Variants in CDC42BPA observed in about 807,000 individuals in gnomAD.
CDC42BPA encodes the protein serine/threonine-protein kinase MRCK alpha.
In CDC42BPA, 80 loss-of-function variants were observed where a neutral mutation model predicts 223.5. That is an observed-to-expected ratio of 0.36 (90% CI 0.30 to 0.43). The LOEUF (loss-of-function observed/expected upper bound fraction) is 0.43, where lower values mean the gene tolerates loss of function less well. Among genes scored for constraint, CDC42BPA ranks in the 20% least tolerant of loss-of-function variants. The probability of loss-of-function intolerance (pLI) is 1.00; values close to 1 mark genes in which losing one functional copy is unlikely to be tolerated. For missense variants in CDC42BPA, 1,743 were observed against 2,099.9 expected, an observed-to-expected ratio of 0.83 and a Z score of 3.32; for synonymous variants, 694 against 718.6, an observed-to-expected ratio of 0.97 and a Z score of 0.55.
At chr1:227,207,556 C>G (rs2150313513) in intron 3 of CDC42BPA, among the ~76,000 whole-genome samples, 1 of 140,710 alleles carries the variant, frequency 7.1e-6, no homozygotes. Context: ...TGATATTCCC[C>G]TTCCTGTGTC....
chr1:227,141,469 T>C (rs1659649398), intron 9 of CDC42BPA, among the ~76,000 whole-genome samples: 2 of 152,174 alleles, frequency 1.3e-5, no homozygotes, highest in African/African-American at 4.8e-5. Context: ...TGGAAGATAC[T>C]GGCCTTACTA....
chr1:227,094,426 T>C (rs926832057), intron 15 of CDC42BPA, among the ~76,000 whole-genome samples: 2 of 152,220 alleles, frequency 1.3e-5, no homozygotes, highest in Non-Finnish European at 2.9e-5. Flanking sequence ...TCAATGTTAT[T>C]TTGTAAACCA....
intron 2 of CDC42BPA, among the ~76,000 whole-genome samples, chr1:227,247,138 T>C (rs113211748): frequency 0.094 from 14,241 of 151,990 alleles, 844 homozygotes; most frequent in Middle Eastern, 0.17. Flanking sequence ...AGGCAGAGGT[T>C]GCAGTGAGCC....
At chr1:227,082,497 G>A (rs922936281) in intron 16 of CDC42BPA, among the ~76,000 whole-genome samples, 4 of 151,812 alleles carry the variant, frequency 2.6e-5, no homozygotes, top group Non-Finnish European at 4.4e-5. Context: ...GGTGGATCAC[G>A]AGGTCAGGAG....
intron 15 of CDC42BPA, among the ~76,000 whole-genome samples, chr1:227,096,502 A>C (rs1052432645): frequency 6.6e-6 from 1 of 152,148 alleles, no homozygotes; most frequent in Non-Finnish European, 1.5e-5. Flanking sequence ...CACCACACCA[A>C]AATCTGGCTT....
intron 21 of CDC42BPA, among the ~76,000 whole-genome samples, chr1:227,053,014 A>C (rs1256577422): frequency 6.6e-6 from 1 of 152,202 alleles, no homozygotes; most frequent in African/African-American, 2.4e-5. Context: ...TTGAGAGTAG[A>C]AACACTTGGA....
chr1:227,143,489 C>G (rs1660082403), intron 8 of CDC42BPA, among the ~76,000 whole-genome samples: 1 of 152,166 alleles, frequency 6.6e-6, no homozygotes, highest in Non-Finnish European at 1.5e-5. Flanking sequence ...TCTACAGGGT[C>G]TCTTTGGTGT....
chr1:227,023,200 G>T, intron 32 of CDC42BPA, 63 bp downstream of exon 32: 1 of 781,806 alleles, frequency 1.3e-6, no homozygotes, highest in Non-Finnish European at 2.1e-6. Context: ...GTGACCTTGG[G>T]CAGTTAGCTT....
intron 12 of CDC42BPA, among the ~76,000 whole-genome samples, chr1:227,118,151 A>G (rs1337931307): frequency 2.0e-5 from 3 of 152,132 alleles, no homozygotes; most frequent in Non-Finnish European, 4.4e-5. Context: ...ACTCTACACT[A>G]CTCGTGGAAA....
intron 5 of CDC42BPA, among the ~76,000 whole-genome samples, chr1:227,192,836 T>C (rs922808014): frequency 6.6e-6 from 1 of 152,104 alleles, no homozygotes; most frequent in Non-Finnish European, 1.5e-5. Flanking sequence ...ACACATACAA[T>C]CCTTGAAAGT....
chr1:227,275,851 G>A (rs539797450), intron 1 of CDC42BPA, among the ~76,000 whole-genome samples: 8 of 152,314 alleles, frequency 5.3e-5, no homozygotes, highest in East Asian at 3.9e-4. Flanking sequence ...TGATCTGCCC[G>A]CCTGGGCCTC....
At chr1:227,106,258 A>G (rs1685904374) in intron 14 of CDC42BPA, among the ~76,000 whole-genome samples, 1 of 152,124 alleles carries the variant, frequency 6.6e-6, no homozygotes. Context: ...AGAAATGTCT[A>G]TTCAAGTCTT....
chr1:227,276,097 C>T (rs1343451065), intron 1 of CDC42BPA, among the ~76,000 whole-genome samples: 7 of 151,602 alleles, frequency 4.6e-5, no homozygotes, highest in African/African-American at 1.2e-4. Flanking sequence ...TCTGCCCGGC[C>T]GCCCAGTCTG....
At chr1:227,222,052 CAAAAAAAAAAA>C (rs60588018) in intron 2 of CDC42BPA, among the ~76,000 whole-genome samples, 6,252 of 86,572 alleles carry the variant, frequency 0.072, 238 homozygotes, top group South Asian at 0.23. Context: ...CTATCTCTAC[CAAAAAAAAAAA>C]AAAAAAAAAA....
At chr1:227,199,432 C>T in intron 4 of CDC42BPA, 125 bp downstream of exon 4, 5 of 616,266 alleles carry the variant, frequency 8.1e-6, no homozygotes, top group South Asian at 6.3e-5. Flanking sequence ...AAGTGAACAA[C>T]TTACCCTGTA....
chr1:227,049,754 GC>G (rs1673159463), intron 22 of CDC42BPA, among the ~76,000 whole-genome samples: 1 of 152,222 alleles, frequency 6.6e-6, no homozygotes, highest in South Asian at 2.1e-4. Context: ...TGCATATAAA[GC>G]AGAAATAGCC....
intron 1 of CDC42BPA, among the ~76,000 whole-genome samples, chr1:227,314,321 A>C (rs1241895644): frequency 6.6e-6 from 1 of 152,106 alleles, no homozygotes; most frequent in Non-Finnish European, 1.5e-5. Context: ...TATTAAATTT[A>C]AATGTGATCT....
At chr1:227,006,530 A>T (rs1395373107) in intron 34 of CDC42BPA, among the ~76,000 whole-genome samples, 23 of 152,224 alleles carry the variant, frequency 1.5e-4, no homozygotes, top group Admixed American at 1.5e-3. Flanking sequence ...ACTAGCAAAA[A>T]GCAAGCATGT....
intron 1 of CDC42BPA, among the ~76,000 whole-genome samples, chr1:227,259,349 C>A (rs1043614104): frequency 6.6e-6 from 1 of 150,922 alleles, no homozygotes; most frequent in Non-Finnish European, 1.5e-5. Flanking sequence ...AGGCAAACAT[C>A]CTACTATGAC....
Sources: gnomAD v4.1 joint callset for allele counts (sites outside exome capture counted in the v4.1 genomes callset) on GRCh38, gnomAD v4.1.1 for gene constraint, MANE v1.5 for transcripts, NCBI Gene and HGNC (gene_info 2026-07-23, HGNC 2026-07-21) for gene names.